ANO7: variants seen among roughly 807,000 people sequenced by gnomAD.
ANO7 encodes anoctamin 7.
Under a neutral mutation model 115.8 loss-of-function variants are expected in ANO7, and 114 were observed. That is an observed-to-expected ratio of 0.98 (90% confidence interval 0.85 to 1.15). The LOEUF (loss-of-function observed/expected upper bound fraction) is 1.15. Among genes scored for constraint, ANO7 ranks in the 50% most tolerant of loss-of-function variants. The pLI is 0.00. For missense variants in ANO7, 1,302 were observed against 1,201.2 expected, an observed-to-expected ratio of 1.08 and a Z score of -1.24; for synonymous variants, 550 against 498.2, an observed-to-expected ratio of 1.10 and a Z score of -1.38.
intron 18 of ANO7, 25 bp from the exon 19 acceptor site, chr2:241,216,068 C>T: frequency 6.3e-7 from 1 of 1,587,116 alleles, no homozygotes; most frequent in Non-Finnish European, 8.6e-7. Flanking sequence ...GATCAAAGGC[C>T]ATTTTCCTGT....
chr2:241,195,889 A>G (rs2068316074), intron 4 of ANO7, 44 bp downstream of exon 4: 1 of 1,613,970 alleles, frequency 6.2e-7, no homozygotes. Context: ...CCCTGCATCC[A>G]CTCAGTGACC....
In ANO7 at chr2:241,210,426, G is replaced by A. The variant is rs550105450; in HGVS notation, c.1458+33G>A. 2.5e-5 allele frequency: 40 copies of A among 1,613,294 alleles called. No individual in the cohort carries two copies. The South Asian group carries it at 4.3e-4, about 17-fold the overall frequency. On this transcript the variant is annotated intron_variant, in intron 14 of 24. Coordinates refer to ENST00000674324, the MANE Select transcript of ANO7 (RefSeq NM_001370694.2). ...TCTGCTGCCTGCCTCGGGGGGCCCT[G>A]AGCGGCCCCTCATCCGGCTCTGACG...
At chr2:241,201,202 C>G in intron 6 of ANO7, 96 bp from the exon 7 acceptor site, 1 of 1,478,442 alleles carries the variant, frequency 6.8e-7, no homozygotes, top group Non-Finnish European at 9.1e-7. Context: ...AAACCTTCTG[C>G]ACCGTTCACA....
rs538486645 is a variant in ANO7, at chr2:241,203,973, G to A, written c.889+475G>A. ...TTGGCACCCTCCCTTCCCCATCCTG[G>A]GTCAGACCCAACCCCTTCATTCTGT... On this transcript the variant is annotated intron_variant, in intron 9 of 24. Transcript: ENST00000674324. This position sits in a 1 kb window ranked among gnomAD's most constrained non-coding sequence, Gnocchi z 4.8. 6.6e-6 allele frequency among the ~76,000 whole-genome samples: 1 copy of A among 152,220 alleles called. No homozygotes were observed. Among genetic ancestry groups the A allele is most frequent in the Admixed American group, 6.5e-5 (1 of 15,282 alleles).
At chr2:241,213,700 G>A (rs976923073) in intron 17 of ANO7, among the ~76,000 whole-genome samples, 1 of 152,234 alleles carries the variant, frequency 6.6e-6, no homozygotes, top group African/African-American at 2.4e-5. Flanking sequence ...GTGGCCTCTG[G>A]GCTGGGCTGG....
chr2:241,213,165 A>C (rs934642209), intron 17 of ANO7, among the ~76,000 whole-genome samples: 1 of 150,118 alleles, frequency 6.7e-6, no homozygotes, highest in African/African-American at 2.5e-5. Flanking sequence ...TGGCCTCCTC[A>C]TGGCACACAG....
At chr2:241,209,086 G>C (rs369614477) in intron 11 of ANO7, among the ~76,000 whole-genome samples, 199 bp from the exon 12 acceptor site, 3 of 152,186 alleles carry the variant, frequency 2.0e-5, no homozygotes, top group African/African-American at 4.8e-5. Flanking sequence ...GAGGCGAAGC[G>C]TGCAGTGAGC....
intron 21 of ANO7, among the ~76,000 whole-genome samples, chr2:241,222,742 T>C (rs1308613357): frequency 2.6e-5 from 4 of 152,072 alleles, no homozygotes; most frequent in Non-Finnish European, 5.9e-5. Context: ...TGAAGCTGAA[T>C]GTAGCTTATG....
chr2:241,236,618 C>G, the ANO7 span: 1 of 1,613,846 alleles, frequency 6.2e-7, no homozygotes, highest in African/African-American at 1.3e-5. Context: ...CACATACCTC[C>G]AGAGCTTCCT....
intron 2 of ANO7, among the ~76,000 whole-genome samples, chr2:241,190,485 C>T (rs1035479496): frequency 6.6e-6 from 1 of 152,196 alleles, no homozygotes; most frequent in Non-Finnish European, 1.5e-5. Flanking sequence ...GTGTCAGTCC[C>T]AGTCAGTGCA....
rs775131941 is a variant in ANO7 at position 241,199,415 on chromosome 2, C to T, written c.409C>T (p.Pro137Ser). 28 of 1,613,744 alleles carry T rather than the reference C, an allele frequency of 1.7e-5. No homozygotes were observed. The Middle Eastern group carries it at 4.9e-4, about 29-fold the overall frequency. ...YYAEDLRLKL[P>S]LQELPNQASN... ...CGCCGAAGACCTGCGCCTGAAGCTG[C>T]CCTTGCAGGTACGTGGGAGGCATGG... is the stretch of plus-strand genomic sequence containing the variant. Residue 137 changes from proline to serine, a missense_variant, in exon 5 of 25, where the codon CCC becomes TCC. By Grantham distance (74) the Pro-to-Ser change is moderately conservative. Transcript: ENST00000674324.
At chr2:241,239,459 G>A in the ANO7 span, 33 of 636,930 alleles carry the variant, frequency 5.2e-5, 1 homozygote, top group South Asian at 5.9e-4. This position sits in a 1 kb window ranked among gnomAD's most constrained non-coding sequence, Gnocchi z 4.6. Flanking sequence ...AAAGAAGAGC[G>A]AGCACCAGAA....
In ANO7 at chr2:241,210,589, G is replaced by T. The variant is rs763862475; in HGVS notation, c.1561+19G>T. 1.2e-6 allele frequency: 2 copies of T among 1,608,064 alleles called. No individual in the cohort carries two copies. The highest frequency in any genetic ancestry group is 1.7e-6 in the Non-Finnish European group (2 of 1,175,542). ...CGATGGGGTGAGTGGGCTGAGGCCGGCCAGGCACTGACCAGGGGCCCACCC... is the reference window on the plus strand; with the variant it reads ...CGATGGGGTGAGTGGGCTGAGGCCGTCCAGGCACTGACCAGGGGCCCACCC... On this transcript the variant is annotated intron_variant, in intron 15 of 24. Coordinates refer to ENST00000674324, the MANE Select transcript of ANO7 (RefSeq NM_001370694.2).
intron 4 of ANO7, among the ~76,000 whole-genome samples, chr2:241,198,464 G>A (rs2068393752): frequency 6.6e-6 from 1 of 152,230 alleles, no homozygotes; most frequent in Admixed American, 6.5e-5. Context: ...GAGCAGGTTT[G>A]CCCTTTAGTT....
chr2:241,201,619 G>T (rs1467863291), intron 7 of ANO7, among the ~76,000 whole-genome samples: 1 of 152,248 alleles, frequency 6.6e-6, no homozygotes, highest in African/African-American at 2.4e-5. Context: ...CTATGGACAT[G>T]TGGGACAGCC....
chr2:241,229,704 C>T, downstream of ANO7: 1 of 1,613,602 alleles, frequency 6.2e-7, no homozygotes, highest in South Asian at 1.1e-5. Context: ...AGAGAGAGGA[C>T]ACGGCTTCAG....
downstream of ANO7, among the ~76,000 whole-genome samples, chr2:241,226,442 T>C (rs2069172978): frequency 6.6e-6 from 1 of 151,488 alleles, no homozygotes; most frequent in African/African-American, 2.4e-5. Flanking sequence ...TTTTTTTTTT[T>C]GAGATGGAGT....
At position 241,214,837 on chromosome 2, in the gene ANO7, A is replaced by G. The variant is rs778042967; in HGVS notation, c.1761A>G (p.Ala587=). 6.2e-7 allele frequency: 1 copy of G among 1,612,588 alleles called. No individual in the cohort carries two copies. The highest frequency in any genetic ancestry group is 2.2e-5 in the East Asian group (1 of 44,876). ...CAAGGCLIEL[A]QELLVIMVGK... is the part of the protein sequence containing the mutation. ...CTGGAGGCTGCCTGATCGAGCTGGC[A>G]CAGGAGCTCCTGGTCATCATGGTGG... The change falls in exon 18 of 25, where the codon GCA becomes GCG. Residue 587 remains alanine (A), a synonymous_variant. Coordinates refer to ENST00000674324, the MANE Select transcript of ANO7 (RefSeq NM_001370694.2).
intron 11 of ANO7, among the ~76,000 whole-genome samples, chr2:241,208,853 A>G (rs1574779462): frequency 6.6e-6 from 1 of 152,204 alleles, no homozygotes; most frequent in East Asian, 1.9e-4. Flanking sequence ...CTGTGCTTCC[A>G]AAACACAGTC....
Sources: gnomAD v4.1 joint callset for allele counts (sites outside exome capture counted in the v4.1 genomes callset) on GRCh38, gnomAD v4.1.1 for gene constraint, Gnocchi (gnomAD v3.1) non-coding constraint, MANE v1.5 for transcripts, NCBI Gene and HGNC (gene_info 2026-07-23, HGNC 2026-07-21) for gene names.